PRKCA: variants seen among roughly 807,000 people sequenced by gnomAD.
The protein encoded by PRKCA is protein kinase C alpha type.
Under a neutral mutation model 87.0 loss-of-function variants are expected in PRKCA, and 27 were observed. The ratio of observed to expected loss-of-function variants is 0.31; its 90% CI spans 0.23 to 0.43. The LOEUF (loss-of-function observed/expected upper bound fraction) is 0.43. Among genes scored for constraint, PRKCA ranks in the 20% least tolerant of loss-of-function variants. The probability of loss-of-function intolerance (pLI) is 1.00; values close to 1 mark genes in which losing one functional copy is unlikely to be tolerated. For synonymous variants in PRKCA, 329 were observed against 311.1 expected, an observed-to-expected ratio of 1.06 and a Z score of -0.61; for missense variants, 518 against 852.3, an observed-to-expected ratio of 0.61 and a Z score of 4.88.
chr17:66,351,383 G>C (rs180943621), intron 2 of PRKCA, among the ~76,000 whole-genome samples: 180 of 152,268 alleles, frequency 1.2e-3, no homozygotes, highest in Non-Finnish European at 2.2e-3. Context: ...GCATTGTGTT[G>C]GTTCCTATGG....
At chr17:66,742,517 G>T in intron 12 of PRKCA, 105 bp from the exon 13 acceptor site, 2 of 1,169,048 alleles carry the variant, frequency 1.7e-6, no homozygotes, top group Non-Finnish European at 1.2e-6. Flanking sequence ...AGTTAATATT[G>T]CCATTGAGCT....
At chr17:66,783,608 C>A (rs531753274) in intron 14 of PRKCA, among the ~76,000 whole-genome samples, 1 of 152,216 alleles carries the variant, frequency 6.6e-6, no homozygotes, top group African/African-American at 2.4e-5. Flanking sequence ...CAGTGCCCTG[C>A]ACAGAATGTT....
At chr17:66,525,654 G>C (rs1236579048) in intron 3 of PRKCA, among the ~76,000 whole-genome samples, 1 of 152,178 alleles carries the variant, frequency 6.6e-6, no homozygotes, top group Non-Finnish European at 1.5e-5. Flanking sequence ...ACATGACCCT[G>C]ACCAGAGTTT....
intron 10 of PRKCA, among the ~76,000 whole-genome samples, chr17:66,736,367 T>G (rs1974026554): frequency 6.6e-6 from 1 of 151,486 alleles, no homozygotes; most frequent in African/African-American, 2.4e-5. Flanking sequence ...AACCTCCACC[T>G]CCCAGGCTCA....
chr17:66,619,784 A>G (rs1333543614), intron 3 of PRKCA, among the ~76,000 whole-genome samples: 1 of 152,154 alleles, frequency 6.6e-6, no homozygotes, highest in Non-Finnish European at 1.5e-5. Context: ...TTAAACCTCC[A>G]AAAGGGAGGG....
rs1976006656 is a variant in PRKCA at position 66,805,319 on chromosome 17, T to C, written c.*1282T>C. On this transcript the variant is annotated 3_prime_UTR_variant, in exon 17 of 17. Coordinates refer to ENST00000413366, the MANE Select transcript of PRKCA (RefSeq NM_002737.3). The stretch of plus-strand genomic sequence containing the variant: ...ATAATAAACCTTAATAACAAGTGAA[T>C]CTATATTATTGATATAATCGTATCA... 5.7e-6 allele frequency: 1 copy of C among 174,204 alleles called. No homozygotes were observed. The highest frequency in any genetic ancestry group is 2.4e-5 in the African/African-American group (1 of 41,824). The allele number at this position is 174,204 out of a possible 1,614,324, so 10.8% of individuals were successfully genotyped here. A position where few individuals can be genotyped will look rare whatever the true frequency, so the allele number is the denominator to read the frequency against.
chr17:66,795,820 A>C (rs1035896653), intron 16 of PRKCA, among the ~76,000 whole-genome samples: 1 of 152,186 alleles, frequency 6.6e-6, no homozygotes, highest in Admixed American at 6.5e-5. Context: ...AATGGAGTAC[A>C]TGTTTTTATT....
At chr17:66,604,470 A>T (rs8076312) in intron 3 of PRKCA, among the ~76,000 whole-genome samples, 55,849 of 152,072 alleles carry the variant, frequency 0.37, 10,718 homozygotes, top group African/African-American at 0.45. Flanking sequence ...GGTTTTCTCT[A>T]GTCCCTTTGG....
intron 2 of PRKCA, among the ~76,000 whole-genome samples, chr17:66,371,323 G>T (rs2041186931): frequency 6.6e-6 from 1 of 152,176 alleles, no homozygotes; most frequent in Non-Finnish European, 1.5e-5. Flanking sequence ...CACCTGTTCT[G>T]CATGAGAGCC....
At chr17:66,742,864 G>T in intron 13 of PRKCA, 104 bp downstream of exon 13, 1 of 1,313,086 alleles carries the variant, frequency 7.6e-7, no homozygotes, top group Admixed American at 2.3e-5. Flanking sequence ...TCAGTGCATG[G>T]TCACAGCCAC....
At chr17:66,651,594 T>G (rs1399145724) in intron 5 of PRKCA, among the ~76,000 whole-genome samples, 1 of 152,228 alleles carries the variant, frequency 6.6e-6, no homozygotes, top group African/African-American at 2.4e-5. Context: ...ACCAAGCTCC[T>G]TATTTAAAGG....
intron 2 of PRKCA, among the ~76,000 whole-genome samples, chr17:66,459,473 C>G (rs1852518048): frequency 6.6e-6 from 1 of 152,206 alleles, no homozygotes; most frequent in Middle Eastern, 3.2e-3. Flanking sequence ...AGTAGAATCC[C>G]TCAGAAATAT....
chr17:66,799,704 G>C (rs922981125), intron 16 of PRKCA, among the ~76,000 whole-genome samples: 13 of 145,674 alleles, frequency 8.9e-5, no homozygotes, highest in East Asian at 8.1e-4. Flanking sequence ...GTGGTGATGA[G>C]GGTAGTTTTC....
At chr17:66,731,654 C>T (rs1473365290) in intron 8 of PRKCA, among the ~76,000 whole-genome samples, 11 of 152,084 alleles carry the variant, frequency 7.2e-5, no homozygotes, top group Non-Finnish European at 1.5e-4. Context: ...GACTCTGAGG[C>T]CCTGGTGAGA....
chr17:66,584,179 T>A (rs1472667369), intron 3 of PRKCA, among the ~76,000 whole-genome samples: 3 of 152,170 alleles, frequency 2.0e-5, no homozygotes, highest in East Asian at 1.9e-4. Context: ...ATTATCACCA[T>A]CTGGTAGTTT....
At chr17:66,360,033 A>T (rs910866851) in intron 2 of PRKCA, among the ~76,000 whole-genome samples, 1 of 152,208 alleles carries the variant, frequency 6.6e-6, no homozygotes, top group Non-Finnish European at 1.5e-5. Context: ...GACATCTTTG[A>T]AGACAATTAG....
intron 3 of PRKCA, among the ~76,000 whole-genome samples, chr17:66,564,082 C>A (rs1031128462): frequency 2.0e-5 from 3 of 146,408 alleles, no homozygotes; most frequent in Non-Finnish European, 3.0e-5. Context: ...TTCTTTCTTT[C>A]TCTTTCTTTC....
intron 2 of PRKCA, among the ~76,000 whole-genome samples, chr17:66,441,893 C>A (rs1005651): frequency 0.68 from 104,030 of 151,926 alleles, 35,732 homozygotes; most frequent in Middle Eastern, 0.79. Context: ...GTTTATACCA[C>A]GGCATTTCAC....
chr17:66,377,150 C>G (rs1360880728), intron 2 of PRKCA, among the ~76,000 whole-genome samples: 2 of 152,120 alleles, frequency 1.3e-5, no homozygotes, highest in African/African-American at 2.4e-5. Flanking sequence ...CTCAGCCTCC[C>G]AAGTAGCTGG....
Sources: allele counts gnomAD v4.1 joint callset (sites outside exome capture counted in the v4.1 genomes callset), GRCh38; gene constraint gnomAD v4.1.1; transcripts MANE v1.5; gene names NCBI Gene and HGNC (gene_info 2026-07-23, HGNC 2026-07-21).